Variants in DCC observed in about 807,000 individuals in gnomAD.
The protein encoded by DCC is DCC netrin 1 receptor, also known as netrin receptor DCC.
DCC carries 58 observed loss-of-function variants against 172.5 expected under a neutral mutation model. The observed-to-expected ratio is 0.34, with a 90% CI of 0.27 to 0.42. The LOEUF is 0.42. Ranked by LOEUF, DCC falls within the 10% of genes least tolerant of loss-of-function variation. The probability of loss-of-function intolerance (pLI) is 1.00; values close to 1 mark genes in which losing one functional copy is unlikely to be tolerated. For synonymous variants in DCC, 709 were observed against 644.5 expected (o/e 1.10, Z -1.52); for missense variants, 1,740 against 1,791.0 (o/e 0.97, Z 0.51).
intron 15 of DCC, among the ~76,000 whole-genome samples, chr18:53,365,167 C>T (rs552032237): frequency 3.3e-5 from 5 of 150,436 alleles, no homozygotes; most frequent in South Asian, 2.1e-4. Context: ...TGAGTGAGAA[C>T]GTGAGATGTT....
intron 1 of DCC, among the ~76,000 whole-genome samples, chr18:52,724,078 C>T (rs567851071): frequency 1.1e-4 from 16 of 152,202 alleles, no homozygotes; most frequent in Non-Finnish European, 2.1e-4. Flanking sequence ...CCATCCATCA[C>T]TTTCACCACC....
intron 11 of DCC, among the ~76,000 whole-genome samples, chr18:53,211,719 G>A (rs1225385271): frequency 6.6e-6 from 1 of 151,914 alleles, no homozygotes; most frequent in Non-Finnish European, 1.5e-5. Flanking sequence ...GCGAGACTCT[G>A]TCTCAAAAAT....
chr18:53,306,495 G>A (rs985392123), intron 13 of DCC, among the ~76,000 whole-genome samples: 5 of 152,136 alleles, frequency 3.3e-5, no homozygotes, highest in African/African-American at 9.7e-5. Flanking sequence ...CAACTTCGGG[G>A]CAAACACAGC....
At chr18:52,989,123 A>C (rs2041341384) in intron 5 of DCC, among the ~76,000 whole-genome samples, 1 of 152,156 alleles carries the variant, frequency 6.6e-6, no homozygotes, top group South Asian at 2.1e-4. Flanking sequence ...AGAATAGTTT[A>C]ATTCATACAA....
chr18:52,372,673 G>A (rs1275874321), intron 1 of DCC, among the ~76,000 whole-genome samples: 2 of 152,140 alleles, frequency 1.3e-5, no homozygotes, highest in East Asian at 1.9e-4. Flanking sequence ...GAATGGATGT[G>A]AGCACAGATA....
At chr18:53,228,589 C>T (rs575622178) in intron 12 of DCC, among the ~76,000 whole-genome samples, 2 of 152,086 alleles carry the variant, frequency 1.3e-5, no homozygotes, top group Non-Finnish European at 2.9e-5. Context: ...GAATTAACTT[C>T]TCTACCTATG....
At chr18:53,318,393 T>C (rs2057368194) in intron 13 of DCC, among the ~76,000 whole-genome samples, 1 of 152,186 alleles carries the variant, frequency 6.6e-6, no homozygotes, top group Non-Finnish European at 1.5e-5. Context: ...GGAGTTTTTT[T>C]ACCTCCAATT....
chr18:53,315,058 C>A (rs1425984878), intron 13 of DCC, among the ~76,000 whole-genome samples: 2 of 152,174 alleles, frequency 1.3e-5, no homozygotes, highest in African/African-American at 4.8e-5. Flanking sequence ...TGGTTTGCTG[C>A]ACCCATTAAC....
At chr18:52,487,373 C>G (rs2030278283) in intron 1 of DCC, among the ~76,000 whole-genome samples, 1 of 152,154 alleles carries the variant, frequency 6.6e-6, no homozygotes, top group South Asian at 2.1e-4. Context: ...TTGAGATACT[C>G]AGTACCTAGA....
chr18:53,310,478 T>C (rs1026567331), intron 13 of DCC, among the ~76,000 whole-genome samples: 2 of 152,192 alleles, frequency 1.3e-5, no homozygotes, highest in South Asian at 2.1e-4. Context: ...TTTTTGTGTG[T>C]ATGTGTTTTT....
At chr18:52,425,375 G>A (rs1230816505) in intron 1 of DCC, among the ~76,000 whole-genome samples, 5 of 152,186 alleles carry the variant, frequency 3.3e-5, no homozygotes, top group East Asian at 1.9e-4. Context: ...GTCTCCTTGC[G>A]TTAGACTGGT....
intron 1 of DCC, among the ~76,000 whole-genome samples, chr18:52,727,404 T>C (rs1448553953): frequency 1.3e-5 from 2 of 152,182 alleles, no homozygotes; most frequent in Non-Finnish European, 1.5e-5. Flanking sequence ...TGATGACCTG[T>C]TTCAACATGA....
chr18:53,408,458 AC>A (rs1909798933), intron 19 of DCC, among the ~76,000 whole-genome samples: 1 of 152,198 alleles, frequency 6.6e-6, no homozygotes, highest in African/African-American at 2.4e-5. Flanking sequence ...CATTGGGCAG[AC>A]GTCTTCATCA....
chr18:53,309,946 A>ATATATATATG (rs71175575), intron 13 of DCC, among the ~76,000 whole-genome samples: 1 of 138,236 alleles, frequency 7.2e-6, no homozygotes, highest in African/African-American at 2.7e-5. Flanking sequence ...ATATATATAC[A>ATATATATATG]TGTATATATA....
rs369426007 is a variant in DCC, at chr18:53,446,124, A to AAAAAAAAAAAAAAC, written c.3230-4376_3230-4375insAAAAAAAAAAAAAC. 5.0e-3 allele frequency among the ~76,000 whole-genome samples: 584 copies of AAAAAAAAAAAAAAC among 117,102 alleles called. 83 individuals are homozygous for AAAAAAAAAAAAAAC. Among genetic ancestry groups the AAAAAAAAAAAAAAC allele is most frequent in the Middle Eastern group, 0.022 (4 of 180 alleles). The allele number at this position is 117,102 out of a possible 152,430, so 76.8% of individuals were successfully genotyped here. A position where few individuals can be genotyped will look rare whatever the true frequency, so the allele number is the denominator to read the frequency against. ...AAAAAAAAAAAAAAAACAAAAAAAA[A>AAAAAAAAAAAAAAC]CACTTAAAAATTTTCCAGGGATGGT... On this transcript the variant is annotated intron_variant, in intron 22 of 28. Coordinates refer to ENST00000442544, the MANE Select transcript of DCC (RefSeq NM_005215.4).
At chr18:53,063,678 G>A (rs566031362) in intron 6 of DCC, 2 of 509,160 alleles carry the variant, frequency 3.9e-6, no homozygotes, top group Non-Finnish European at 3.5e-6. Context: ...TTACAGACAA[G>A]ACTTTAAAAC....
chr18:53,435,274 CTG>C lies in DCC; in HGVS notation c.3229+66_3229+67del, dbSNP rs1911866947. The stretch of plus-strand genomic sequence containing the variant: ...AATTAAATGGTTAATTCAAGAGTGT[CTG>C]GGGCAAATTTTCTATCAACTACAAG... On this transcript the variant is annotated intron_variant, in intron 22 of 28. Transcript: ENST00000442544. 3.6e-6 allele frequency: 4 copies of C among 1,109,624 alleles called. No individual in the cohort carries two copies. The African/African-American group carries it at 4.6e-5, about 13-fold the overall frequency. The allele number at this position is 1,109,624 out of a possible 1,614,324, so 68.7% of individuals were successfully genotyped here.
chr18:52,474,072 G>A (rs1989020563), intron 1 of DCC, among the ~76,000 whole-genome samples: 1 of 152,120 alleles, frequency 6.6e-6, no homozygotes, highest in Admixed American at 6.6e-5. Flanking sequence ...AAACTGCAAT[G>A]TCTCTAAGGT....
At chr18:53,129,454 C>A (rs983219422) in intron 7 of DCC, among the ~76,000 whole-genome samples, 1 of 151,614 alleles carries the variant, frequency 6.6e-6, no homozygotes, top group African/African-American at 2.4e-5. Flanking sequence ...CTAGAAAGTT[C>A]TCCCATGGTC....
Sources: gnomAD v4.1 joint callset for allele counts (sites outside exome capture counted in the v4.1 genomes callset) on GRCh38, gnomAD v4.1.1 for gene constraint, MANE v1.5 for transcripts, NCBI Gene and HGNC (gene_info 2026-07-23, HGNC 2026-07-21) for gene names.